TUBA1C: variants seen among roughly 807,000 people sequenced by gnomAD.
The protein encoded by TUBA1C is tubulin alpha 1c, also known as tubulin alpha-1C chain.
TUBA1C carries 16 observed loss-of-function variants against 34.9 expected under a neutral mutation model. The ratio of observed to expected loss-of-function variants is 0.46; its 90% CI spans 0.31 to 0.70. The LOEUF (loss-of-function observed/expected upper bound fraction) is 0.70. Among genes scored for constraint, TUBA1C ranks in the 30% least tolerant of loss-of-function variants. The pLI is 0.05. For synonymous variants in TUBA1C, 177 were observed against 215.9 expected, an observed-to-expected ratio of 0.82 and a Z score of 1.58; for missense variants, 329 against 587.3, an observed-to-expected ratio of 0.56 and a Z score of 4.55.
intron 1 of TUBA1C, among the ~76,000 whole-genome samples, chr12:49,268,097 G>GACACAC (rs367819252): frequency 0.049 from 7,424 of 151,856 alleles, 186 homozygotes; most frequent in Middle Eastern, 0.099. Context: ...ATGAGAGAGA[G>GACACAC]ACACACACAC....
chr12:49,252,711 A>G (rs1942743246), intron 1 of TUBA1C, among the ~76,000 whole-genome samples: 1 of 152,202 alleles, frequency 6.6e-6, no homozygotes. Context: ...GGAGATCGAG[A>G]CCATCCTCAC....
intron 1 of TUBA1C, among the ~76,000 whole-genome samples, chr12:49,252,647 C>T (rs1266614212): frequency 1.3e-5 from 2 of 152,158 alleles, no homozygotes; most frequent in African/African-American, 4.8e-5. Flanking sequence ...CACGGTGGCT[C>T]ACACCTGTAA....
intron 1 of TUBA1C, among the ~76,000 whole-genome samples, chr12:49,267,914 T>A (rs147846208): frequency 1.3e-5 from 2 of 152,236 alleles, no homozygotes; most frequent in Admixed American, 1.3e-4. Flanking sequence ...ATCTGACTTA[T>A]GATGAAATGC....
chr12:49,238,181 T>C (rs1375578724), intron 1 of TUBA1C, among the ~76,000 whole-genome samples: 1 of 152,082 alleles, frequency 6.6e-6, no homozygotes, highest in Non-Finnish European at 1.5e-5. Flanking sequence ...GACGAAGTTA[T>C]TGGGTATCGA....
rs146476763 is a variant in TUBA1C at position 49,238,647 on chromosome 12, T to C, written c.213+10481T>C. On this transcript the variant is annotated intron_variant, in intron 1 of 3. Transcript: ENST00000541364. Reference sequence around the variant, plus strand: ...GTTTACCGGTTTATTACAAAAGATATTCATTTTAAAATTTTTTTGCTTATT... The same window carrying C: ...GTTTACCGGTTTATTACAAAAGATACTCATTTTAAAATTTTTTTGCTTATT... 1.4e-4 allele frequency among the ~76,000 whole-genome samples: 21 copies of C among 152,260 alleles called. No individual in the cohort carries two copies. The East Asian group carries it at 3.7e-3, about 27-fold the overall frequency.
intron 1 of TUBA1C, among the ~76,000 whole-genome samples, chr12:49,268,372 T>G (rs1942943977): frequency 6.6e-6 from 1 of 152,070 alleles, no homozygotes; most frequent in Admixed American, 6.6e-5. Flanking sequence ...GTCCTGGGAT[T>G]ACAGGCATGA....
intron 1 of TUBA1C, among the ~76,000 whole-genome samples, chr12:49,231,224 G>A (rs536788556): frequency 2.0e-5 from 3 of 152,264 alleles, no homozygotes; most frequent in East Asian, 1.9e-4. Context: ...TAGTGCAATG[G>A]TGCAATTATA....
intron 1 of TUBA1C, among the ~76,000 whole-genome samples, chr12:49,238,535 C>G (rs1942581294): frequency 6.6e-6 from 1 of 152,158 alleles, no homozygotes; most frequent in Non-Finnish European, 1.5e-5. Flanking sequence ...TTTTTACTGG[C>G]TATAAATGAG....
In TUBA1C at chr12:49,274,072, CAA is replaced by C. The variant is rs946962664; in HGVS notation, c.*848_*849del. On this transcript the variant is annotated 3_prime_UTR_variant, in exon 4 of 4. Transcript: ENST00000301072. ...GACCCCTGACTCTCAAATTTAAAAA[CAA>C]AATGCAGGTTCTAATTCTATAGGCT... 3 of 152,224 alleles carry C rather than the reference CAA, an allele frequency of 2.0e-5. No individual in the cohort carries two copies. The highest frequency in any genetic ancestry group is 4.8e-5 in the African/African-American group (2 of 41,424). The allele number at this position is 152,224 out of a possible 1,614,324, so 9.4% of individuals were successfully genotyped here. A position where few individuals can be genotyped will look rare whatever the true frequency, so the allele number is the denominator to read the frequency against.
intron 1 of TUBA1C, among the ~76,000 whole-genome samples, chr12:49,256,908 G>A (rs961303218): frequency 2.6e-5 from 4 of 152,108 alleles, no homozygotes; most frequent in African/African-American, 7.2e-5. Context: ...GGCCAGGAGC[G>A]GTGGTTCACG....
chr12:49,265,197 C>T lies in TUBA1C; in HGVS notation c.3+13C>T. The T allele has an allele frequency of 6.3e-7, 1 of 1,597,214 alleles. No individual in the cohort carries two copies. The highest frequency in any genetic ancestry group is 8.6e-7 in the Non-Finnish European group (1 of 1,168,666). On this transcript the variant is annotated intron_variant, in intron 1 of 3. Coordinates refer to ENST00000301072, the MANE Select transcript of TUBA1C (RefSeq NM_032704.5). The stretch of plus-strand genomic sequence containing the variant: ...AGTTCTAGTCATGGTGAGTGGGGTT[C>T]CCTCGGGGCTGGGGAAGAGTGCGCG...
At chr12:49,264,899 T>G, upstream of TUBA1C, 3 of 227,442 alleles carry the variant, frequency 1.3e-5, no homozygotes, top group Non-Finnish European at 2.5e-5. Context: ...TTCCGACGAG[T>G]TTGGTTTGAA....
chr12:49,252,780 G>C (rs1456177851), intron 1 of TUBA1C, among the ~76,000 whole-genome samples: 1 of 152,180 alleles, frequency 6.6e-6, no homozygotes. Flanking sequence ...AGGCATGGTG[G>C]CGGGCGCCTG....
At chr12:49,237,750 G>A (rs1205636534) in intron 1 of TUBA1C, among the ~76,000 whole-genome samples, 13 of 139,680 alleles carry the variant, frequency 9.3e-5, no homozygotes, top group African/African-American at 3.8e-4. Context: ...AAAAAAAAAA[G>A]AGAGAGAGAG....
intron 1 of TUBA1C, among the ~76,000 whole-genome samples, chr12:49,235,822 A>C (rs1942549617): frequency 6.6e-6 from 1 of 152,046 alleles, no homozygotes; most frequent in African/African-American, 2.4e-5. Flanking sequence ...TGTGTTGAGG[A>C]GCCCTCGGGC....
intron 1 of TUBA1C, among the ~76,000 whole-genome samples, chr12:49,241,468 A>C (rs1438773999): frequency 6.6e-6 from 1 of 152,180 alleles, no homozygotes; most frequent in Non-Finnish European, 1.5e-5. Context: ...GGTTTGCTTC[A>C]GCCTGAAGGG....
At chr12:49,245,973 C>A (rs1381162532) in intron 1 of TUBA1C, among the ~76,000 whole-genome samples, 1 of 152,178 alleles carries the variant, frequency 6.6e-6, no homozygotes, top group Non-Finnish European at 1.5e-5. Flanking sequence ...GGCACGATCT[C>A]GGCTACCTGC....
intron 1 of TUBA1C, among the ~76,000 whole-genome samples, chr12:49,240,296 G>GA (rs201018194): frequency 0.011 from 886 of 81,772 alleles, 6 homozygotes; most frequent in South Asian, 0.038. Context: ...ACCATTCTCT[G>GA]AAAAAAAAAA....
In TUBA1C at chr12:49,273,077, C is replaced by A. The variant is rs138174052; in HGVS notation, c.1200C>A (p.Ala400=). The A allele has an allele frequency of 1.5e-3, 2,358 of 1,614,192 alleles. 37 individuals carry two copies. The African/African-American group carries it at 0.029, about 20-fold the overall frequency. Residue 400 remains alanine, a synonymous_variant, in exon 4 of 4, where the codon GCC becomes GCA. Transcript: ENST00000301072. ...ACCACAAGTTTGACCTGATGTATGC[C>A]AAGCGTGCCTTTGTTCACTGGTACG... is the stretch of plus-strand genomic sequence containing the variant. ...RLDHKFDLMY[A]KRAFVHWYVG...
Sources: allele counts gnomAD v4.1 joint callset (sites outside exome capture counted in the v4.1 genomes callset), GRCh38; gene constraint gnomAD v4.1.1; transcripts MANE v1.5; gene names NCBI Gene and HGNC (gene_info 2026-07-23, HGNC 2026-07-21).